The following DMD variants were observed in gnomAD, a reference collection of about 807,000 sequenced individuals.
DMD encodes dystrophin.
Under a neutral mutation model 330.1 loss-of-function variants are expected in DMD, and 63 were observed. The ratio of observed to expected loss-of-function variants is 0.19; its 90% CI spans 0.16 to 0.24. The LOEUF is 0.24. Ranked by LOEUF, DMD falls within the 10% of genes least tolerant of loss-of-function variation. The pLI is 1.00. For missense variants in DMD, 3,344 were observed against 2,684.1 expected (o/e 1.25, Z -5.43); for synonymous variants, 1,223 against 959.8 (o/e 1.27, Z -5.07).
At chrX:32,729,461 G>T (rs1353083379) in intron 7 of DMD, among the ~76,000 whole-genome samples, 1 of 111,764 alleles carries the variant, frequency 8.9e-6, no homozygotes, top group Non-Finnish European at 1.9e-5. Context: ...TTCTATGTAT[G>T]TATCTTCTGC....
chrX:31,808,108 A>G (rs1192774176), intron 50 of DMD, among the ~76,000 whole-genome samples: 1 of 112,092 alleles, frequency 8.9e-6, no homozygotes, highest in Non-Finnish European at 1.9e-5. Context: ...GATAAATATT[A>G]GGTATGTTCG....
In DMD at chrX:32,866,454, T is replaced by C. The variant is rs1037416724; in HGVS notation, c.94-16634A>G. Among the ~76,000 whole-genome samples, 4 of 111,165 alleles carry C rather than the reference T, an allele frequency of 3.6e-5. No homozygotes were observed. The Admixed American group carries it at 3.8e-4, about 11-fold the overall frequency. The stretch of plus-strand genomic sequence containing the variant: ...AAATTAAGCCACATTATAAAGATAT[T>C]TATAAAATATTTTTAAAAGAGCCCT... On this transcript the variant is annotated intron_variant, in intron 2 of 78. Coordinates refer to ENST00000357033, the MANE Select transcript of DMD (RefSeq NM_004006.3).
At chrX:31,906,629 T>C (rs941433015) in intron 47 of DMD, among the ~76,000 whole-genome samples, 1 of 112,310 alleles carries the variant, frequency 8.9e-6, no homozygotes, top group Admixed American at 9.5e-5. Flanking sequence ...CATTCTATTA[T>C]TGACATCATA....
chrX:31,284,060 G>A (rs1336933470), intron 62 of DMD, among the ~76,000 whole-genome samples: 1 of 111,987 alleles, frequency 8.9e-6, no homozygotes, highest in Non-Finnish European at 1.9e-5. Context: ...GAACACTTAC[G>A]TTAGCCTACA....
In DMD at chrX:31,881,136, A is replaced by AT. The variant is rs1161909360; in HGVS notation, c.6913-5764dup. On this transcript the variant is annotated intron_variant, in intron 47 of 78. Coordinates refer to ENST00000357033, the MANE Select transcript of DMD (RefSeq NM_004006.3). ...AGCTGCTACAATAAGGATATAAAAT[A>AT]TTTTTGTACGGGTGTTCAACGTGTT... 4.7e-4 allele frequency among the ~76,000 whole-genome samples: 52 copies of AT among 111,808 alleles called. 1 individual carries two copies. Among genetic ancestry groups the AT allele is most frequent in the African/African-American group, 1.6e-3 (50 of 30,804 alleles).
At chrX:32,309,081 T>A (rs2097551208) in intron 42 of DMD, among the ~76,000 whole-genome samples, 1 of 111,267 alleles carries the variant, frequency 9.0e-6, no homozygotes, top group Admixed American at 9.6e-5. Flanking sequence ...TCTGTGAAGC[T>A]CTTATTTTAC....
chrX:32,257,414 C>A (rs772438008), intron 43 of DMD, among the ~76,000 whole-genome samples: 1 of 111,246 alleles, frequency 9.0e-6, no homozygotes, highest in African/African-American at 3.3e-5. Flanking sequence ...TGACTTCAAA[C>A]TATACTACAA....
intron 13 of DMD, among the ~76,000 whole-genome samples, chrX:32,587,553 C>T (rs2054438878): frequency 9.0e-6 from 1 of 111,360 alleles, no homozygotes; most frequent in Non-Finnish European, 1.9e-5. Flanking sequence ...AAGTTCTCTA[C>T]AGAATGAGGG....
At chrX:31,833,385 G>C (rs1269752714) in intron 49 of DMD, among the ~76,000 whole-genome samples, 1 of 107,420 alleles carries the variant, frequency 9.3e-6, no homozygotes. Context: ...GAGAGAGACA[G>C]AGAGAGAGAA....
At chrX:32,539,885 A>C (rs1451523875) in intron 17 of DMD, among the ~76,000 whole-genome samples, 2 of 111,905 alleles carry the variant, frequency 1.8e-5, no homozygotes, top group Non-Finnish European at 3.8e-5. Context: ...AAGCAAGCTT[A>C]CATTCTGTCT....
intron 55 of DMD, among the ~76,000 whole-genome samples, chrX:31,605,119 G>A (rs1321831628): frequency 8.9e-6 from 1 of 111,902 alleles, no homozygotes; most frequent in Non-Finnish European, 1.9e-5. Flanking sequence ...CTTTGTGTAG[G>A]TTTGGAAAAA....
chrX:32,087,040 T>C (rs2096444210), intron 44 of DMD, among the ~76,000 whole-genome samples: 2 of 111,701 alleles, frequency 1.8e-5, no homozygotes, highest in African/African-American at 6.5e-5. Flanking sequence ...ACGAGAGTAG[T>C]ATCCTTATAA....
chrX:32,459,070 G>A (rs1470857287), intron 25 of DMD, among the ~76,000 whole-genome samples: 1 of 110,927 alleles, frequency 9.0e-6, no homozygotes, highest in Non-Finnish European at 1.9e-5. Flanking sequence ...AGATGAATTA[G>A]CTCTGCAGAT....
At chrX:32,749,624 A>G (rs2070536582) in intron 7 of DMD, among the ~76,000 whole-genome samples, 1 of 112,719 alleles carries the variant, frequency 8.9e-6, no homozygotes, top group Admixed American at 9.4e-5. Context: ...GAAATGTTCA[A>G]TATTTCAAGT....
At chrX:32,404,840 T>A (rs1407421042) in intron 30 of DMD, among the ~76,000 whole-genome samples, 3 of 111,671 alleles carry the variant, frequency 2.7e-5, no homozygotes, top group Non-Finnish European at 5.7e-5. Flanking sequence ...AAAAAATGAA[T>A]TGAAGAAAGC....
chrX:32,592,821 C>A (rs960410843), intron 13 of DMD, among the ~76,000 whole-genome samples: 1 of 112,183 alleles, frequency 8.9e-6, no homozygotes, highest in Non-Finnish European at 1.9e-5. Flanking sequence ...TCTGTGGTTC[C>A]TGGTGTCTCT....
intron 64 of DMD, among the ~76,000 whole-genome samples, chrX:31,214,301 AGT>A (rs1381260648): frequency 8.9e-6 from 1 of 112,016 alleles, no homozygotes; most frequent in African/African-American, 3.2e-5. Context: ...TACAATTAAG[AGT>A]TTCAAAGGCT....
chrX:32,193,926 T>C (rs1270639248), intron 44 of DMD, among the ~76,000 whole-genome samples: 1 of 112,202 alleles, frequency 8.9e-6, no homozygotes, highest in East Asian at 2.8e-4. Flanking sequence ...ATACCAGCTC[T>C]GTGTTACTCT....
At chrX:33,094,152 T>C (rs759350248) in intron 1 of DMD, among the ~76,000 whole-genome samples, 1 of 111,483 alleles carries the variant, frequency 9.0e-6, no homozygotes, top group South Asian at 3.7e-4. Context: ...ATAGAAGGAT[T>C]AATCATATGA....
Sources: gnomAD v4.1 joint callset for allele counts (sites outside exome capture counted in the v4.1 genomes callset) on GRCh38, gnomAD v4.1.1 for gene constraint, MANE v1.5 for transcripts, NCBI Gene and HGNC (gene_info 2026-07-23, HGNC 2026-07-21) for gene names.